Variants in FAM110A observed in about 807,000 individuals in gnomAD.
The protein encoded by FAM110A is family with sequence similarity 110 member A.
Under a neutral mutation model 4.0 loss-of-function variants are expected in FAM110A, and 1 was observed. The ratio of observed to expected loss-of-function variants is 0.25; its 90% CI spans 0.09 to 1.20. FAM110A has a LOEUF of 1.20. Ranked by LOEUF, FAM110A falls within the 50% of genes most tolerant of loss-of-function variation. The pLI is 0.50. For synonymous variants in FAM110A, 217 were observed against 196.8 expected, an observed-to-expected ratio of 1.10 and a Z score of -0.86; for missense variants, 436 against 429.2, an observed-to-expected ratio of 1.02 and a Z score of -0.14.
intron 1 of FAM110A, among the ~76,000 whole-genome samples, chr20:841,695 G>A (rs1190035169): frequency 6.6e-6 from 1 of 152,218 alleles, no homozygotes; most frequent in African/African-American, 2.4e-5. Context: ...CAAGCCAGAA[G>A]GGCCGGCGGT....
rs1033810065 is a variant in FAM110A, at chr20:834,487, T to A, written c.-98+536T>A. On this transcript the variant is annotated intron_variant, in intron 1 of 1. Coordinates refer to ENST00000381941, the MANE Select transcript of FAM110A (RefSeq NM_001042353.3). The surrounding 1 kb of genome is among the most constrained non-coding windows in gnomAD (Gnocchi z 5.6). ...TGGCCTCTTGGGAATCATCCCCAGT[T>A]TGGGGAAGGGAATAGAGCCAGTCCC... is the stretch of plus-strand genomic sequence containing the variant. Among the ~76,000 whole-genome samples, 1 of 152,128 alleles carries A rather than the reference T, an allele frequency of 6.6e-6. No homozygotes were observed. The highest frequency in any genetic ancestry group is 1.5e-5 in the Non-Finnish European group (1 of 68,024).
chr20:844,824 G>A lies in FAM110A; in HGVS notation c.20G>A (p.Ser7Asn). MPVHTL[S>N]PGAPSAPALP... is the part of the protein sequence containing the mutation. ...GCAGCCATGCCTGTGCACACGCTGA[G>A]CCCCGGAGCCCCGTCCGCCCCCGCC... The change falls in exon 2 of 2, where the codon AGC becomes AAC. Residue 7 changes from serine to asparagine, a missense_variant. Physicochemically the swap from Ser to Asn is conservative, Grantham distance 46. Coordinates refer to ENST00000381941, the MANE Select transcript of FAM110A (RefSeq NM_001042353.3). The A allele has an allele frequency of 2.0e-6, 3 of 1,503,314 alleles. No homozygotes were observed. The highest frequency in any genetic ancestry group is 1.3e-5 in the South Asian group (1 of 76,930). The allele number at this position is 1,503,314 out of a possible 1,614,324, so 93.1% of individuals were successfully genotyped here.
chr20:846,036 C>A lies in FAM110A; in HGVS notation c.*344C>A. 1 of 296,244 alleles carries A rather than the reference C, an allele frequency of 3.4e-6. No individual in the cohort carries two copies. The highest frequency in any genetic ancestry group is 6.8e-6 in the Non-Finnish European group (1 of 147,386). 18.4% of individuals were successfully genotyped at this position (296,244 alleles called of 1,614,324 possible). On this transcript the variant is annotated 3_prime_UTR_variant, in exon 2 of 2. Transcript: ENST00000381941. ...GAGGGGCCAAGGGATCTCCTCAATC[C>A]TGTCTCCCCAGCGGCTCTGTTTCCT... is the stretch of plus-strand genomic sequence containing the variant.
intron 1 of FAM110A, among the ~76,000 whole-genome samples, chr20:843,751 G>A (rs754448613): frequency 6.6e-6 from 1 of 152,204 alleles, no homozygotes; most frequent in African/African-American, 2.4e-5. Context: ...GATGTCTGGG[G>A]CATCAGGTCC....
intron 1 of FAM110A, chr20:836,254 GGGGT>G (rs1979569206): frequency 7.0e-6 from 1 of 142,944 alleles, no homozygotes; most frequent in African/African-American, 2.5e-5. Context: ...TTTGGGGGGG[GGGGT>G]GGGGTGGGGC....
chr20:846,014 G>C lies in FAM110A; in HGVS notation c.*322G>C. ...CTTTGCCCTCCCCACTGTGAGTGAG[G>C]GGCCAAGGGATCTCCTCAATCCTGT... is the stretch of plus-strand genomic sequence containing the variant. On this transcript the variant is annotated 3_prime_UTR_variant, in exon 2 of 2. Coordinates refer to ENST00000381941, the MANE Select transcript of FAM110A (RefSeq NM_001042353.3). 5.4e-6 allele frequency: 2 copies of C among 372,184 alleles called. No homozygotes were observed. The highest frequency in any genetic ancestry group is 5.8e-5 in the South Asian group (2 of 34,562). The allele number at this position is 372,184 out of a possible 1,614,324, so 23.1% of individuals were successfully genotyped here.
At chr20:843,887 A>G (rs533325420) in intron 1 of FAM110A, among the ~76,000 whole-genome samples, 3 of 152,242 alleles carry the variant, frequency 2.0e-5, no homozygotes, top group East Asian at 3.9e-4. Context: ...GGGCTGTGTG[A>G]TTTTGGACAT....
chr20:835,196 C>CTATATATATA (rs1479779616), intron 1 of FAM110A, among the ~76,000 whole-genome samples: 3 of 125,432 alleles, frequency 2.4e-5, no homozygotes, highest in African/African-American at 9.0e-5. Context: ...CTCTCTCTCT[C>CTATATATATA]TCTCTATATA....
At position 845,829 on chromosome 20, in the gene FAM110A, T is replaced by C; in HGVS notation, c.*137T>C. The C allele has an allele frequency of 6.8e-7, 1 of 1,465,142 alleles. No individual in the cohort carries two copies. The highest frequency in any genetic ancestry group is 9.1e-7 in the Non-Finnish European group (1 of 1,104,844). 90.8% of individuals were successfully genotyped at this position (1,465,142 alleles called of 1,614,324 possible). On this transcript the variant is annotated 3_prime_UTR_variant, in exon 2 of 2. Transcript: ENST00000381941. ...GTGAACTTGGTATGGAGGCAAAGGCTTAGAGGCTGGACCAGCATTGTTGGG... is the reference window on the plus strand; with the variant it reads ...GTGAACTTGGTATGGAGGCAAAGGCCTAGAGGCTGGACCAGCATTGTTGGG...
At chr20:842,650 G>C (rs1044237846) in intron 1 of FAM110A, among the ~76,000 whole-genome samples, 2 of 152,222 alleles carry the variant, frequency 1.3e-5, no homozygotes, top group Non-Finnish European at 2.9e-5. Flanking sequence ...TTGGGGGCCA[G>C]ATGGAGGAGG....
intron 1 of FAM110A, chr20:839,309 G>T (rs1979743081): frequency 2.4e-6 from 1 of 409,908 alleles, no homozygotes; most frequent in Non-Finnish European, 4.7e-6. Context: ...GCCCTCACAG[G>T]GTAGGTGTGA....
In FAM110A at chr20:835,164, A is replaced by ATCTC. The variant is rs143746608; in HGVS notation, c.-98+1247_-98+1250dup. Among the ~76,000 whole-genome samples, 1,129 of 136,322 alleles carry ATCTC rather than the reference A, an allele frequency of 8.3e-3. 4 individuals carry two copies. The highest frequency in any genetic ancestry group is 0.012 in the African/African-American group (439 of 36,016). The allele number at this position is 136,322 out of a possible 152,430, so 89.4% of individuals were successfully genotyped here. On this transcript the variant is annotated intron_variant, in intron 1 of 1. Coordinates refer to ENST00000381941, the MANE Select transcript of FAM110A (RefSeq NM_001042353.3). The stretch of plus-strand genomic sequence containing the variant: ...AGCCTTCATGAAGTGCAGTCCTCCC[A>ATCTC]TCTCTCTCTCTCTCTCTCTCTCTCT...
chr20:841,526 C>T (rs1979912573), intron 1 of FAM110A, among the ~76,000 whole-genome samples: 2 of 152,192 alleles, frequency 1.3e-5, no homozygotes, highest in African/African-American at 4.8e-5. Flanking sequence ...ACCCCCCATC[C>T]CCCGCCACCG....
intron 1 of FAM110A, chr20:839,957 GTTC>G (rs1243423910): frequency 1.3e-5 from 20 of 1,494,526 alleles, no homozygotes; most frequent in Non-Finnish European, 1.8e-5. Flanking sequence ...TGGCAATCCG[GTTC>G]TTCTTAGGCA....
rs1303247432 is a variant in FAM110A, at chr20:845,374, C to T, written c.570C>T (p.Asp190=). 1 of 1,612,500 alleles carries T rather than the reference C, an allele frequency of 6.2e-7. No homozygotes were observed. Among genetic ancestry groups the T allele is most frequent in the South Asian group, 1.1e-5 (1 of 90,894 alleles). The part of the protein sequence containing the change: ...RPPGLQRSKS[D]LSERFSRAAA... The stretch of plus-strand genomic sequence containing the variant: ...CGGGTTTGCAACGCTCCAAGTCGGA[C>T]TTGAGCGAGCGCTTTTCTAGGGCAG... The change falls in exon 2 of 2, where the codon GAC becomes GAT. Residue 190 remains aspartate (D), a synonymous_variant. Transcript: ENST00000381941.
rs1444658653 is a variant in FAM110A at position 845,890 on chromosome 20, T to C, written c.*198T>C. On this transcript the variant is annotated 3_prime_UTR_variant, in exon 2 of 2. Coordinates refer to ENST00000381941, the MANE Select transcript of FAM110A (RefSeq NM_001042353.3). ...CTCTCCAAGGGTTTTGTTCTTGGCT[T>C]TGGACACCTGAGAACCCCCTCCTCC... The C allele has an allele frequency of 1.1e-5, 14 of 1,225,318 alleles. No individual in the cohort carries two copies. The highest frequency in any genetic ancestry group is 1.6e-5 in the Non-Finnish European group (14 of 899,748). The allele number at this position is 1,225,318 out of a possible 1,614,324, so 75.9% of individuals were successfully genotyped here.
Position 845,929 on chromosome 20 carries a change from A to C in FAM110A, c.*237A>C. 1 of 777,206 alleles carries C rather than the reference A, an allele frequency of 1.3e-6. No homozygotes were observed. Among genetic ancestry groups the C allele is most frequent in the Non-Finnish European group, 2.0e-6 (1 of 498,852 alleles). The allele number at this position is 777,206 out of a possible 1,614,324, so 48.1% of individuals were successfully genotyped here. On this transcript the variant is annotated 3_prime_UTR_variant, in exon 2 of 2. Coordinates refer to ENST00000381941, the MANE Select transcript of FAM110A (RefSeq NM_001042353.3). Reference sequence around the variant, plus strand: ...ACCCCCTCCTCCCCTCCCCCAATACAAGGTTTTTGACATGAGTGTACTCCT... The same window carrying C: ...ACCCCCTCCTCCCCTCCCCCAATACCAGGTTTTTGACATGAGTGTACTCCT...
chr20:833,973 G>C lies in FAM110A; in HGVS notation c.-98+22G>C, dbSNP rs1038639390. 1.3e-5 allele frequency: 2 copies of C among 152,402 alleles called. No individual in the cohort carries two copies. Among genetic ancestry groups the C allele is most frequent in the African/African-American group, 4.8e-5 (2 of 41,466 alleles). The allele number at this position is 152,402 out of a possible 1,614,324, so 9.4% of individuals were successfully genotyped here. ...CCAGGTGAGGGCGCGGGTGGGTCCG[G>C]GTGCGACCCCGGGTCTGGGGGCCCC... On this transcript the variant is annotated intron_variant, in intron 1 of 1. Coordinates refer to ENST00000381941, the MANE Select transcript of FAM110A (RefSeq NM_001042353.3). The surrounding 1 kb of genome is among the most constrained non-coding windows in gnomAD (Gnocchi z 4.1).
In FAM110A at chr20:840,607, A is replaced by C. The variant is rs990515030; in HGVS notation, c.-97-4101A>C. On this transcript the variant is annotated intron_variant, in intron 1 of 1. Coordinates refer to ENST00000381941, the MANE Select transcript of FAM110A (RefSeq NM_001042353.3). The surrounding 1 kb of genome is among the most constrained non-coding windows in gnomAD (Gnocchi z 4.4). The stretch of plus-strand genomic sequence containing the variant: ...GTTACTATGACGGCTGTTGTTGCCG[A>C]TGTTAACCGTTTTCACAAGGCAGCT... 6.6e-6 allele frequency among the ~76,000 whole-genome samples: 1 copy of C among 152,064 alleles called. No homozygotes were observed. The highest frequency in any genetic ancestry group is 2.4e-5 in the African/African-American group (1 of 41,402).
Sources: allele counts gnomAD v4.1 joint callset (sites outside exome capture counted in the v4.1 genomes callset), GRCh38; gene constraint gnomAD v4.1.1; non-coding constraint Gnocchi (gnomAD v3.1); transcripts MANE v1.5; gene names NCBI Gene and HGNC (gene_info 2026-07-23, HGNC 2026-07-21).